The following WDR35 variants were observed in gnomAD, a reference collection of about 807,000 sequenced individuals.
WDR35 encodes the protein WD repeat-containing protein 35.
Under a neutral mutation model 158.3 loss-of-function variants are expected in WDR35, and 118 were observed. The observed-to-expected ratio is 0.75, with a 90% CI of 0.64 to 0.87. The LOEUF (loss-of-function observed/expected upper bound fraction) is 0.87. WDR35 is among the 40% of genes least tolerant of loss of function. WDR35 has a pLI of 0.00. For missense variants in WDR35, 1,263 were observed against 1,405.8 expected, an observed-to-expected ratio of 0.90 and a Z score of 1.62; for synonymous variants, 448 against 476.1, an observed-to-expected ratio of 0.94 and a Z score of 0.77.
intron 2 of WDR35, among the ~76,000 whole-genome samples, chr2:19,988,390 T>C (rs1444102763): frequency 6.6e-6 from 1 of 152,186 alleles, no homozygotes; most frequent in East Asian, 1.9e-4. Flanking sequence ...GGGTCTATTG[T>C]GTGGGGGTAG....
chr2:19,924,703 C>T (rs1184135546), intron 25 of WDR35, among the ~76,000 whole-genome samples: 1 of 152,144 alleles, frequency 6.6e-6, no homozygotes, highest in Non-Finnish European at 1.5e-5. Context: ...TTATCAAGGC[C>T]TGTGATGTTA....
intron 16 of WDR35, among the ~76,000 whole-genome samples, chr2:19,945,072 A>T (rs1184475637): frequency 6.6e-6 from 1 of 152,188 alleles, no homozygotes; most frequent in East Asian, 1.9e-4. Context: ...TGATGTTTTG[A>T]TTAGGTTACC....
At position 19,930,313 on chromosome 2, in the gene WDR35, A is replaced by G; in HGVS notation, c.3121+83T>C. 2.5e-6 allele frequency: 4 copies of G among 1,597,172 alleles called. 1 individual carries two copies. The South Asian group carries it at 3.3e-5, about 13-fold the overall frequency. On this transcript the variant is annotated intron_variant, in intron 25 of 26. Coordinates refer to ENST00000281405, the MANE Select transcript of WDR35 (RefSeq NM_020779.4). The stretch of plus-strand genomic sequence containing the variant: ...AGGAAAAAATGTTATTGAAGGCCAC[A>G]TAAAGGCAAATTGAAGAAGCTAGCC...
chr2:19,956,622 T>A (rs1184211268), intron 11 of WDR35, among the ~76,000 whole-genome samples: 1 of 148,640 alleles, frequency 6.7e-6, no homozygotes, highest in Non-Finnish European at 1.5e-5. Flanking sequence ...ATAATACTTT[T>A]TTTTTTTTTT....
chr2:19,948,365 C>T (rs1201275108), intron 13 of WDR35, 148 bp from the exon 14 acceptor site: 2 of 670,864 alleles, frequency 3.0e-6, no homozygotes, highest in East Asian at 2.8e-5. Context: ...ATGTGCCAAC[C>T]ACTGAACTAA....
chr2:19,965,249 C>T (rs1031923036), intron 10 of WDR35, among the ~76,000 whole-genome samples: 4 of 152,166 alleles, frequency 2.6e-5, no homozygotes, highest in African/African-American at 9.7e-5. Flanking sequence ...CAGACGTGTC[C>T]TTCCTGCACA....
At chr2:19,948,336 T>A in intron 13 of WDR35, 119 bp from the exon 14 acceptor site, 1 of 896,886 alleles carries the variant, frequency 1.1e-6, no homozygotes, top group Admixed American at 2.2e-5. Context: ...CAACATTTAT[T>A]TACTGCTGAG....
At chr2:19,963,132 C>G (rs1402286791) in intron 10 of WDR35, among the ~76,000 whole-genome samples, 2 of 152,148 alleles carry the variant, frequency 1.3e-5, no homozygotes, top group Non-Finnish European at 2.9e-5. Context: ...CCTTTTCCAC[C>G]CCACCCCTAC....
intron 25 of WDR35, among the ~76,000 whole-genome samples, chr2:19,916,629 G>T (rs890107711): frequency 6.6e-6 from 1 of 152,170 alleles, no homozygotes; most frequent in Non-Finnish European, 1.5e-5. Flanking sequence ...CTGGGAAGTT[G>T]AAACTGGGCG....
At position 19,969,567 on chromosome 2, in the gene WDR35, A is replaced by G; in HGVS notation, c.921T>C (p.Ser307=). The change falls in exon 9 of 27, where the codon TCT becomes TCC. Residue 307 remains serine (S), a synonymous_variant. Transcript: ENST00000281405. ...GTCCACCTCCTTCCCAAGATAGTGC[A>G]GATATTTCCTTTCCAGGAACTTTCA... ...GTLKVPGKEI[S]ALSWEGGGLK... The G allele has an allele frequency of 6.2e-7, 1 of 1,613,956 alleles. No homozygotes were observed. Among genetic ancestry groups the G allele is most frequent in the Non-Finnish European group, 8.5e-7 (1 of 1,179,954 alleles).
intron 2 of WDR35, among the ~76,000 whole-genome samples, chr2:19,987,406 T>C (rs1420735956): frequency 6.6e-6 from 1 of 152,150 alleles, no homozygotes; most frequent in Non-Finnish European, 1.5e-5. Flanking sequence ...TGATTTCCCA[T>C]CTTGTTCACT....
At chr2:19,947,540 GAC>G (rs1362194741) in intron 14 of WDR35, among the ~76,000 whole-genome samples, 1 of 152,144 alleles carries the variant, frequency 6.6e-6, no homozygotes, top group African/African-American at 2.4e-5. Context: ...CTCAAGAAAA[GAC>G]ACTATGCCAT....
intron 10 of WDR35, among the ~76,000 whole-genome samples, chr2:19,961,874 T>C (rs2103437649): frequency 6.6e-6 from 1 of 152,328 alleles, no homozygotes; most frequent in Admixed American, 6.5e-5. Context: ...ATTCTATTCA[T>C]CAAACAAGGG....
intron 25 of WDR35, among the ~76,000 whole-genome samples, chr2:19,924,828 A>G (rs543143360): frequency 1.2e-4 from 18 of 152,350 alleles, no homozygotes; most frequent in African/African-American, 4.1e-4. Flanking sequence ...AAGCATGGTC[A>G]TACTAAAAAA....
rs1182534801 is a variant in WDR35 at position 19,913,387 on chromosome 2, A to T, written c.*171T>A. The T allele has an allele frequency of 1.4e-5, 10 of 717,214 alleles. No homozygotes were observed. The highest frequency in any genetic ancestry group is 2.2e-5 in the Non-Finnish European group (10 of 461,658). The allele number at this position is 717,214 out of a possible 1,614,324, so 44.4% of individuals were successfully genotyped here. A position where few individuals can be genotyped will look rare whatever the true frequency, so the allele number is the denominator to read the frequency against. On this transcript the variant is annotated 3_prime_UTR_variant, in exon 27 of 27. Transcript: ENST00000281405. ...ATCGGCCTTATTATTTCACAGTTGT[A>T]TTGCCATAAAAATTATTTTATTAAC...
intron 19 of WDR35, among the ~76,000 whole-genome samples, chr2:19,936,777 A>C (rs192428549): frequency 2.6e-5 from 4 of 152,274 alleles, no homozygotes; most frequent in African/African-American, 9.6e-5. Flanking sequence ...CCCTCAACAG[A>C]CACCAAACTT....
At position 19,954,052 on chromosome 2, in the gene WDR35, T is replaced by C. The variant is rs1026181040; in HGVS notation, c.1256-74A>G. ...ATGCTTGTGCTGCAAAGGCCTTTAG[T>C]AATCACGGAGTTCAACCCCTCATTT... On this transcript the variant is annotated intron_variant, in intron 11 of 26. Coordinates refer to ENST00000281405, the MANE Select transcript of WDR35 (RefSeq NM_020779.4). The C allele has an allele frequency of 2.3e-5, 36 of 1,573,464 alleles. No individual in the cohort carries two copies. In the African/African-American group the frequency reaches 4.7e-4, roughly 21 times the overall value.
At chr2:19,973,102 C>T (rs1672080768) in intron 8 of WDR35, among the ~76,000 whole-genome samples, 1 of 151,984 alleles carries the variant, frequency 6.6e-6, no homozygotes, top group Admixed American at 6.6e-5. Context: ...CTTCAAATAA[C>T]TGATTACTTT....
chr2:19,964,444 C>T lies in WDR35; in HGVS notation c.1194+2280G>A, dbSNP rs1270649810. Among the ~76,000 whole-genome samples, 8 of 137,220 alleles carry T rather than the reference C, an allele frequency of 5.8e-5. No individual in the cohort carries two copies. The South Asian group carries it at 1.4e-3, about 24-fold the overall frequency. The allele number at this position is 137,220 out of a possible 152,430, so 90.0% of individuals were successfully genotyped here. A position where few individuals can be genotyped will look rare whatever the true frequency, so the allele number is the denominator to read the frequency against. Reference sequence around the variant, plus strand: ...TGTCTCCCAGGCTGGAGTGCAGTGGCGTGATCTCGGCCCACCGCAACCTCC... The same window carrying T: ...TGTCTCCCAGGCTGGAGTGCAGTGGTGTGATCTCGGCCCACCGCAACCTCC... On this transcript the variant is annotated intron_variant, in intron 10 of 26. Coordinates refer to ENST00000281405, the MANE Select transcript of WDR35 (RefSeq NM_020779.4).
Sources: allele counts gnomAD v4.1 joint callset (sites outside exome capture counted in the v4.1 genomes callset), GRCh38; gene constraint gnomAD v4.1.1; transcripts MANE v1.5; gene names NCBI Gene and HGNC (gene_info 2026-07-23, HGNC 2026-07-21).